Variants in BEAN1 observed in about 807,000 individuals in gnomAD.
BEAN1 encodes the protein protein BEAN1.
BEAN1 carries 17 observed loss-of-function variants against 17.7 expected under a neutral mutation model. That is an observed-to-expected ratio of 0.96 (90% CI 0.66 to 1.44). The LOEUF is 1.44. BEAN1 is among the 40% of genes most tolerant of loss of function. The pLI is 0.00. For missense variants in BEAN1, 359 were observed against 374.1 expected (o/e 0.96, Z 0.33); for synonymous variants, 142 against 151.8 (o/e 0.94, Z 0.47).
chr16:66,469,879 C>T lies in BEAN1; in HGVS notation c.289+14C>T. ...AGCACGGCTACGGTGAGCCGCCGCC[C>T]ACCCTGGGGCCCTGGGACCTCATCT... On this transcript the variant is annotated intron_variant, in intron 3 of 4. Coordinates refer to ENST00000536005, the MANE Select transcript of BEAN1 (RefSeq NM_001178020.3). 6.5e-7 allele frequency: 1 copy of T among 1,530,758 alleles called. No homozygotes were observed. Among genetic ancestry groups the T allele is most frequent in the Non-Finnish European group, 8.7e-7 (1 of 1,144,434 alleles). The allele number at this position is 1,530,758 out of a possible 1,614,324, so 94.8% of individuals were successfully genotyped here.
chr16:66,453,597 G>T (rs572148007), intron 2 of BEAN1, among the ~76,000 whole-genome samples: 163 of 152,052 alleles, frequency 1.1e-3, no homozygotes, highest in Non-Finnish European at 1.7e-3. Flanking sequence ...CCTGGGCTAA[G>T]GCAATCCTCC....
chr16:66,494,444 G>A (rs550531903), downstream of BEAN1, among the ~76,000 whole-genome samples: 63 of 152,244 alleles, frequency 4.1e-4, no homozygotes, highest in African/African-American at 1.4e-3. Context: ...TTAGTGAGGT[G>A]AGGTGTGCTC....
In BEAN1 at chr16:66,471,293, G is replaced by A. The variant is rs1447350233; in HGVS notation, c.289+1428G>A. ...GGTAGTAATGGCCAGTGAGTAAGGA[G>A]TGCTTGCTGGGTGCCTGGCGCTGTC... On this transcript the variant is annotated intron_variant, in intron 3 of 4. Transcript: ENST00000536005. The surrounding 1 kb of genome is among the most constrained non-coding windows in gnomAD (Gnocchi z 4.7). 6.6e-6 allele frequency among the ~76,000 whole-genome samples: 1 copy of A among 152,200 alleles called. No individual in the cohort carries two copies. The highest frequency in any genetic ancestry group is 2.4e-5 in the African/African-American group (1 of 41,450).
chr16:66,481,179 G>T lies in BEAN1; in HGVS notation c.*254G>T, dbSNP rs1044687736. On this transcript the variant is annotated 3_prime_UTR_variant, in exon 5 of 5. Coordinates refer to ENST00000536005, the MANE Select transcript of BEAN1 (RefSeq NM_001178020.3). This position sits in a 1 kb window ranked among gnomAD's most constrained non-coding sequence, Gnocchi z 4.1. ...CAAAACCCACCTGCAAAGGTTTCACGGAACGTGGAGCTCTCCTGGCCTCCC... is the reference window on the plus strand; with the variant it reads ...CAAAACCCACCTGCAAAGGTTTCACTGAACGTGGAGCTCTCCTGGCCTCCC... The T allele has an allele frequency of 3.4e-5, 14 of 417,682 alleles. No individual in the cohort carries two copies. The highest frequency in any genetic ancestry group is 4.3e-5 in the Admixed American group (1 of 23,458). 25.9% of individuals were successfully genotyped at this position (417,682 alleles called of 1,614,324 possible).
At chr16:66,488,423 A>G (rs1276841171) in intron 4 of BEAN1, among the ~76,000 whole-genome samples, 1 of 151,212 alleles carries the variant, frequency 6.6e-6, no homozygotes, top group African/African-American at 2.4e-5. Context: ...GCTCACACCT[A>G]TAACCCCAGC....
chr16:66,473,977 C>T lies in BEAN1; in HGVS notation c.290-3583C>T, dbSNP rs1396243864. 6.6e-6 allele frequency among the ~76,000 whole-genome samples: 1 copy of T among 152,150 alleles called. No homozygotes were observed. On this transcript the variant is annotated intron_variant, in intron 3 of 4. Transcript: ENST00000536005. The surrounding 1 kb of genome is among the most constrained non-coding windows in gnomAD (Gnocchi z 4.5). ...CTGCTCCATCTCATACACCATCCATCATCCTCCCTTACCTAGCTCCAGCCC... is the reference window on the plus strand; with the variant it reads ...CTGCTCCATCTCATACACCATCCATTATCCTCCCTTACCTAGCTCCAGCCC...
intron 2 of BEAN1, among the ~76,000 whole-genome samples, chr16:66,464,847 G>A (rs1963208953): frequency 6.6e-6 from 1 of 152,100 alleles, no homozygotes; most frequent in Non-Finnish European, 1.5e-5. Context: ...ATCTGCAAAT[G>A]TAGTTTTACT....
chr16:66,489,602 G>C (rs1964137183), intron 4 of BEAN1, among the ~76,000 whole-genome samples: 1 of 152,068 alleles, frequency 6.6e-6, no homozygotes, highest in African/African-American at 2.4e-5. Flanking sequence ...TCTGGAGCCA[G>C]TAGTGTGGGT....
In BEAN1 at chr16:66,473,300, C is replaced by T. The variant is rs1352535447; in HGVS notation, c.289+3435C>T. Among the ~76,000 whole-genome samples, 1 of 152,056 alleles carries T rather than the reference C, an allele frequency of 6.6e-6. No individual in the cohort carries two copies. Among genetic ancestry groups the T allele is most frequent in the African/African-American group, 2.4e-5 (1 of 41,394 alleles). ...CACAGCTCTGCCAAGCGGGGTCAGG[C>T]CTTGGCTTCCCCACTGCAGCCTGTG... On this transcript the variant is annotated intron_variant, in intron 3 of 4. Coordinates refer to ENST00000536005, the MANE Select transcript of BEAN1 (RefSeq NM_001178020.3). The surrounding 1 kb of genome is among the most constrained non-coding windows in gnomAD (Gnocchi z 4.5).
intron 3 of BEAN1, among the ~76,000 whole-genome samples, chr16:66,474,751 A>G (rs1001884743): frequency 6.6e-6 from 1 of 152,078 alleles, no homozygotes; most frequent in Admixed American, 6.6e-5. Flanking sequence ...AAGAGAAAGA[A>G]AGAAAGAAAG....
chr16:66,453,342 T>TACACAC (rs34867737), intron 2 of BEAN1, among the ~76,000 whole-genome samples: 69 of 147,732 alleles, frequency 4.7e-4, no homozygotes, highest in African/African-American at 8.4e-4. Flanking sequence ...CATTCTGTTA[T>TACACAC]ACACACACAC....
chr16:66,437,846 G>C (rs1962091446), intron 2 of BEAN1, 145 bp downstream of exon 2: 4 of 1,097,168 alleles, frequency 3.6e-6, no homozygotes, highest in East Asian at 5.1e-5. Flanking sequence ...TGGGTGGGGA[G>C]AGGGCAACAC....
chr16:66,492,769 G>C (rs1242114594), intron 4 of BEAN1, among the ~76,000 whole-genome samples: 1 of 152,154 alleles, frequency 6.6e-6, no homozygotes. Context: ...GACAGATCCT[G>C]CTTTGTCTTT....
intron 2 of BEAN1, among the ~76,000 whole-genome samples, chr16:66,466,176 T>C (rs1285995325): frequency 6.6e-6 from 1 of 152,170 alleles, no homozygotes; most frequent in African/African-American, 2.4e-5. Flanking sequence ...ACACCTATGG[T>C]CCCAATTACT....
chr16:66,468,672 C>T (rs1236812399), intron 2 of BEAN1, among the ~76,000 whole-genome samples: 1 of 152,194 alleles, frequency 6.6e-6, no homozygotes, highest in Non-Finnish European at 1.5e-5. Flanking sequence ...AAGTTGCATC[C>T]TAAGTTGCAG....
intron 2 of BEAN1, among the ~76,000 whole-genome samples, chr16:66,462,902 TAAAC>T (rs983677322): frequency 6.6e-6 from 1 of 152,096 alleles, no homozygotes; most frequent in African/African-American, 2.4e-5. Flanking sequence ...AATAAACAAG[TAAAC>T]AAATAAATAA....
chr16:66,489,551 G>A (rs1374581539), intron 4 of BEAN1, among the ~76,000 whole-genome samples: 1 of 152,198 alleles, frequency 6.6e-6, no homozygotes, highest in African/African-American at 2.4e-5. Context: ...GAGCCCATGT[G>A]TGTGAATGAG....
At chr16:66,480,471 C>A (rs556849853) in intron 4 of BEAN1, 115 bp from the exon 5 acceptor site, 3 of 833,150 alleles carry the variant, frequency 3.6e-6, no homozygotes, top group African/African-American at 3.5e-5. Context: ...GTGGACAAGG[C>A]CCACCCTGGT....
At chr16:66,453,690 T>A (rs1384757513) in intron 2 of BEAN1, among the ~76,000 whole-genome samples, 1 of 151,852 alleles carries the variant, frequency 6.6e-6, no homozygotes, top group Non-Finnish European at 1.5e-5. Context: ...TTATTGTGAT[T>A]TCTTCTTTGA....
Sources: gnomAD v4.1 joint callset for allele counts (sites outside exome capture counted in the v4.1 genomes callset) on GRCh38, gnomAD v4.1.1 for gene constraint, Gnocchi (gnomAD v3.1) non-coding constraint, MANE v1.5 for transcripts, NCBI Gene and HGNC (gene_info 2026-07-23, HGNC 2026-07-21) for gene names.